Variants in RFX3 observed in about 807,000 individuals in gnomAD.
The protein encoded by RFX3 is transcription factor RFX3.
RFX3 carries 14 observed loss-of-function variants against 98.6 expected under a neutral mutation model. The ratio of observed to expected loss-of-function variants is 0.14; its 90% CI spans 0.09 to 0.22. The LOEUF (loss-of-function observed/expected upper bound fraction) is 0.22. RFX3 is among the 10% of genes least tolerant of loss of function. The pLI is 1.00. For synonymous variants in RFX3, 383 were observed against 328.4 expected, an observed-to-expected ratio of 1.17 and a Z score of -1.80; for missense variants, 639 against 926.9, an observed-to-expected ratio of 0.69 and a Z score of 4.03.
intron 4 of RFX3, among the ~76,000 whole-genome samples, chr9:3,321,114 G>A (rs1339437290): frequency 1.3e-5 from 2 of 151,956 alleles, no homozygotes; most frequent in African/African-American, 2.4e-5. Flanking sequence ...ATGTTGGTCA[G>A]GCTGGTCTCG....
intron 1 of RFX3, among the ~76,000 whole-genome samples, chr9:3,417,114 T>C (rs955292718): frequency 1.3e-5 from 2 of 152,030 alleles, no homozygotes; most frequent in African/African-American, 4.8e-5. Flanking sequence ...AGTCATTTCA[T>C]AATGATAAAG....
chr9:3,447,937 C>T (rs182460862), intron 1 of RFX3, among the ~76,000 whole-genome samples: 34 of 152,182 alleles, frequency 2.2e-4, no homozygotes, highest in African/African-American at 7.7e-4. Context: ...TAATATACTC[C>T]GTCTCACAGA....
In RFX3 at chr9:3,504,465, G is replaced by A. The variant is rs61078169; in HGVS notation, c.-9+21282C>T. On this transcript the variant is annotated intron_variant, in intron 1 of 16. Coordinates refer to ENST00000617270, the MANE Select transcript of RFX3 (RefSeq NM_001282116.2). ...ATAAAATATATATTATATGCCATAT[G>A]GTATATATTGTATATAAAATATATA... Among the ~76,000 whole-genome samples, 428 of 107,520 alleles carry A rather than the reference G, an allele frequency of 4.0e-3. 2 individuals carry two copies. The highest frequency in any genetic ancestry group is 4.9e-3 in the Non-Finnish European group (276 of 56,026). The allele number at this position is 107,520 out of a possible 152,430, so 70.5% of individuals were successfully genotyped here.
At chr9:3,366,370 T>C (rs975983790) in intron 2 of RFX3, among the ~76,000 whole-genome samples, 2 of 152,216 alleles carry the variant, frequency 1.3e-5, no homozygotes, top group African/African-American at 2.4e-5. Context: ...AGTGCGTGTA[T>C]ACGTGTGTGT....
intron 2 of RFX3, among the ~76,000 whole-genome samples, chr9:3,366,705 T>TCTTTCTTTCTTTCTTTCTTTCTTTC (rs1837188012): frequency 1.7e-5 from 2 of 118,922 alleles, no homozygotes; most frequent in African/African-American, 6.6e-5. Flanking sequence ...TTTCTTTCTT[T>TCTTTCTTTCTTTCTTTCTTTCTTTC]CTTTCTTTCT....
chr9:3,229,072 A>T (rs1818143240), intron 15 of RFX3, among the ~76,000 whole-genome samples, 183 bp from the exon 16 acceptor site: 1 of 152,216 alleles, frequency 6.6e-6, no homozygotes, highest in Non-Finnish European at 1.5e-5. Flanking sequence ...GAACAGTTTA[A>T]ATTATGTCAC....
chr9:3,349,599 T>C (rs1489043832), intron 2 of RFX3, among the ~76,000 whole-genome samples: 1 of 152,064 alleles, frequency 6.6e-6, no homozygotes, highest in Non-Finnish European at 1.5e-5. Flanking sequence ...CCCCAACAGG[T>C]AACCATTTTC....
chr9:3,346,768 A>G lies in RFX3; in HGVS notation c.118-4T>C. On this transcript the variant is annotated splice_region_variant and splice_polypyrimidine_tract_variant and intron_variant, in intron 2 of 16. Coordinates refer to ENST00000617270, the MANE Select transcript of RFX3 (RefSeq NM_001282116.2). ...GCACAGTCTGTACCTGCTGTACCTG[A>G]AAAACAAGTATTAGGACCTTGGTAA... 6.3e-7 allele frequency: 1 copy of G among 1,599,324 alleles called. No homozygotes were observed. The highest frequency in any genetic ancestry group is 1.1e-5 in the South Asian group (1 of 90,756).
intron 1 of RFX3, among the ~76,000 whole-genome samples, chr9:3,416,509 A>T (rs954281177): frequency 6.6e-6 from 1 of 152,190 alleles, no homozygotes; most frequent in Admixed American, 6.5e-5. Flanking sequence ...GGGGAAAAAA[A>T]GCCAATAGAA....
chr9:3,399,857 G>A (rs1164487240), intron 1 of RFX3, among the ~76,000 whole-genome samples: 2 of 151,532 alleles, frequency 1.3e-5, no homozygotes, highest in Admixed American at 1.3e-4. Context: ...GCTGCAGCAG[G>A]AGAGTCACTT....
intron 4 of RFX3, among the ~76,000 whole-genome samples, chr9:3,305,917 C>A (rs1829254062): frequency 6.6e-6 from 1 of 152,078 alleles, no homozygotes; most frequent in South Asian, 2.1e-4. Context: ...TGGCACACAT[C>A]AGCATTTGAC....
chr9:3,460,861 T>C (rs1847622153), intron 1 of RFX3, among the ~76,000 whole-genome samples: 1 of 151,880 alleles, frequency 6.6e-6, no homozygotes, highest in Admixed American at 6.6e-5. Context: ...TTAACCAATT[T>C]CCTAACAACA....
intron 1 of RFX3, among the ~76,000 whole-genome samples, chr9:3,507,182 C>T (rs1191620090): frequency 1.3e-5 from 2 of 151,736 alleles, no homozygotes; most frequent in Non-Finnish European, 2.9e-5. Context: ...TCACAATTTC[C>T]AATTAGCAGA....
At chr9:3,374,708 G>A (rs1838255128) in intron 2 of RFX3, among the ~76,000 whole-genome samples, 1 of 152,128 alleles carries the variant, frequency 6.6e-6, no homozygotes, top group African/African-American at 2.4e-5. Flanking sequence ...GGGGAAATGG[G>A]AAATTGTAAT....
At chr9:3,472,655 T>G (rs1197000393) in intron 1 of RFX3, among the ~76,000 whole-genome samples, 3 of 152,198 alleles carry the variant, frequency 2.0e-5, no homozygotes, top group African/African-American at 7.2e-5. Flanking sequence ...TCGTAAGGAT[T>G]TAAGCAACAT....
chr9:3,432,469 C>A (rs944832299), intron 1 of RFX3, among the ~76,000 whole-genome samples: 47 of 152,214 alleles, frequency 3.1e-4, no homozygotes, highest in African/African-American at 1.1e-3. Flanking sequence ...TGAAAGCTAT[C>A]AAAGCCCAAA....
chr9:3,223,066 C>T lies in RFX3; in HGVS notation c.*1976G>A, dbSNP rs909502032. 6.6e-6 allele frequency: 1 copy of T among 151,984 alleles called. No individual in the cohort carries two copies. The highest frequency in any genetic ancestry group is 2.4e-5 in the African/African-American group (1 of 41,366). 9.4% of individuals were successfully genotyped at this position (151,984 alleles called of 1,614,324 possible). A position where few individuals can be genotyped will look rare whatever the true frequency, so the allele number is the denominator to read the frequency against. On this transcript the variant is annotated 3_prime_UTR_variant, in exon 17 of 17. Coordinates refer to ENST00000617270, the MANE Select transcript of RFX3 (RefSeq NM_001282116.2). ...ACTGGCTCACCTCGTCTTTCCAACC[C>T]CCCACCCCCCTTACCCCAATACCAC... is the stretch of plus-strand genomic sequence containing the variant.
chr9:3,476,488 G>A (rs1482717328), intron 1 of RFX3, among the ~76,000 whole-genome samples: 1 of 152,256 alleles, frequency 6.6e-6, no homozygotes, highest in African/African-American at 2.4e-5. Context: ...AAGTAGCTCA[G>A]TGACAGCAAT....
intron 1 of RFX3, among the ~76,000 whole-genome samples, chr9:3,503,738 C>G (rs533295629): frequency 2.0e-4 from 31 of 152,012 alleles, no homozygotes; most frequent in Non-Finnish European, 4.1e-4. Flanking sequence ...AAATACAATT[C>G]ATAAATTACT....
Sources: allele counts gnomAD v4.1 joint callset (sites outside exome capture counted in the v4.1 genomes callset), GRCh38; gene constraint gnomAD v4.1.1; transcripts MANE v1.5; gene names NCBI Gene and HGNC (gene_info 2026-07-23, HGNC 2026-07-21).